TMEM132D: variants seen among roughly 807,000 people sequenced by gnomAD.
The protein encoded by TMEM132D is transmembrane protein 132D.
A neutral mutation model predicts 62.3 loss-of-function variants in TMEM132D; 21 were observed. The ratio of observed to expected loss-of-function variants is 0.34; its 90% CI spans 0.24 to 0.49. The LOEUF is 0.49. TMEM132D is among the 20% of genes least tolerant of loss of function. The pLI is 0.99. For synonymous variants in TMEM132D, 621 were observed against 575.6 expected, an observed-to-expected ratio of 1.08 and a Z score of -1.13; for missense variants, 1,346 against 1,402.8, an observed-to-expected ratio of 0.96 and a Z score of 0.65.
chr12:129,826,226 C>T (rs1191811658), intron 1 of TMEM132D, among the ~76,000 whole-genome samples: 1 of 152,200 alleles, frequency 6.6e-6, no homozygotes, highest in African/African-American at 2.4e-5. Flanking sequence ...AGGATACAGC[C>T]TCCATCGGCT....
In TMEM132D at chr12:129,072,364, C is replaced by CT. The variant is rs1419120681; in HGVS notation, c.*1510_*1511insA. 6.6e-6 allele frequency: 1 copy of CT among 152,606 alleles called. No individual in the cohort carries two copies. The highest frequency in any genetic ancestry group is 1.5e-5 in the Non-Finnish European group (1 of 68,134). The allele number at this position is 152,606 out of a possible 1,614,324, so 9.5% of individuals were successfully genotyped here. ...TGCAGGATCCTATCTGGCTGGCAATCACCCAACACACCATTCTCTACCTTG... is the reference window on the plus strand; with the variant it reads ...TGCAGGATCCTATCTGGCTGGCAATCTACCCAACACACCATTCTCTACCTTG... On this transcript the variant is annotated 3_prime_UTR_variant, in exon 9 of 9. Coordinates refer to ENST00000422113, the MANE Select transcript of TMEM132D (RefSeq NM_133448.3).
intron 4 of TMEM132D, among the ~76,000 whole-genome samples, chr12:129,322,726 T>A (rs1276060990): frequency 2.0e-5 from 3 of 152,198 alleles, no homozygotes; most frequent in Non-Finnish European, 4.4e-5. Context: ...ATTTAACTTT[T>A]CTGTTTTTCA....
intron 1 of TMEM132D, among the ~76,000 whole-genome samples, chr12:129,735,098 A>T (rs1869382548): frequency 1.3e-5 from 2 of 152,212 alleles, no homozygotes; most frequent in Admixed American, 6.5e-5. Context: ...TATTACAATT[A>T]AAAAAATACA....
chr12:129,220,709 G>A (rs1879324065), intron 4 of TMEM132D, among the ~76,000 whole-genome samples: 1 of 152,160 alleles, frequency 6.6e-6, no homozygotes, highest in African/African-American at 2.4e-5. Context: ...ATGGTACCTT[G>A]TAAGATTCTT....
intron 4 of TMEM132D, among the ~76,000 whole-genome samples, chr12:129,260,325 C>T (rs1421342438): frequency 6.6e-6 from 1 of 152,102 alleles, no homozygotes; most frequent in East Asian, 1.9e-4. Flanking sequence ...GCAACCACTT[C>T]CTTCGGCACC....
intron 3 of TMEM132D, among the ~76,000 whole-genome samples, chr12:129,478,763 GGGA>G (rs2137051857): frequency 1.3e-5 from 2 of 152,226 alleles, no homozygotes; most frequent in East Asian, 3.9e-4. Context: ...CTTCAAATCT[GGGA>G]GAGGGTTCTG....
chr12:129,422,219 ATATC>A (rs1242685954), intron 3 of TMEM132D, among the ~76,000 whole-genome samples: 1 of 152,228 alleles, frequency 6.6e-6, no homozygotes, highest in Non-Finnish European at 1.5e-5. Context: ...CAAAAAAAGA[ATATC>A]TATACAATTT....
intron 1 of TMEM132D, among the ~76,000 whole-genome samples, chr12:129,781,428 C>T (rs982210904): frequency 6.6e-6 from 1 of 152,064 alleles, no homozygotes; most frequent in African/African-American, 2.4e-5. Flanking sequence ...ATTTCAAAGA[C>T]GTTGTATATT....
At chr12:129,150,010 C>T (rs938666931) in intron 5 of TMEM132D, among the ~76,000 whole-genome samples, 4 of 152,178 alleles carry the variant, frequency 2.6e-5, no homozygotes, top group African/African-American at 9.7e-5. Context: ...CAATGACTGA[C>T]GTATTCATTG....
intron 4 of TMEM132D, among the ~76,000 whole-genome samples, chr12:129,317,680 C>T (rs1176529154): frequency 2.0e-5 from 3 of 152,168 alleles, no homozygotes; most frequent in Admixed American, 1.3e-4. Context: ...CGTATTGGAA[C>T]GTCTAGCTCT....
At chr12:129,864,630 A>G (rs1222799003) in intron 1 of TMEM132D, among the ~76,000 whole-genome samples, 1 of 152,224 alleles carries the variant, frequency 6.6e-6, no homozygotes, top group Non-Finnish European at 1.5e-5. Flanking sequence ...CAGCAGAGAC[A>G]AGAGATGGGG....
At chr12:129,658,156 T>C (rs1469401985) in intron 2 of TMEM132D, among the ~76,000 whole-genome samples, 4 of 152,116 alleles carry the variant, frequency 2.6e-5, no homozygotes, top group Admixed American at 1.3e-4. Flanking sequence ...GTAAAAACTA[T>C]GCGAAGACAA....
intron 5 of TMEM132D, among the ~76,000 whole-genome samples, chr12:129,113,631 G>A (rs1450926610): frequency 6.6e-6 from 1 of 152,158 alleles, no homozygotes; most frequent in Non-Finnish European, 1.5e-5. Context: ...CTAGGGTGGA[G>A]AGTTTGTAGC....
chr12:129,730,850 C>T (rs556106388), intron 1 of TMEM132D, among the ~76,000 whole-genome samples: 2 of 152,094 alleles, frequency 1.3e-5, no homozygotes, highest in South Asian at 4.2e-4. Flanking sequence ...AGTTCTTCAG[C>T]TTTTGGGCTC....
intron 3 of TMEM132D, among the ~76,000 whole-genome samples, chr12:129,510,688 T>A (rs1207537471): frequency 1.3e-5 from 2 of 152,172 alleles, no homozygotes; most frequent in Non-Finnish European, 2.9e-5. Flanking sequence ...ACATGGATAA[T>A]CAGTTTTCCA....
intron 2 of TMEM132D, among the ~76,000 whole-genome samples, chr12:129,670,576 C>T (rs1420872101): frequency 6.6e-6 from 1 of 152,114 alleles, no homozygotes; most frequent in African/African-American, 2.4e-5. Flanking sequence ...GGCTCACTGG[C>T]TTCCCCCTAC....
At chr12:129,876,864 G>A (rs1874429394) in intron 1 of TMEM132D, among the ~76,000 whole-genome samples, 1 of 152,194 alleles carries the variant, frequency 6.6e-6, no homozygotes, top group African/African-American at 2.4e-5. Flanking sequence ...CTGTAGCCAA[G>A]TCAATCTGTT....
intron 2 of TMEM132D, among the ~76,000 whole-genome samples, chr12:129,690,364 A>C (rs955808818): frequency 5.3e-5 from 8 of 152,182 alleles, no homozygotes; most frequent in African/African-American, 1.7e-4. Flanking sequence ...AAAAGCATTT[A>C]AATGTGAACA....
chr12:129,538,548 A>C (rs535454289), intron 2 of TMEM132D, among the ~76,000 whole-genome samples: 18 of 152,320 alleles, frequency 1.2e-4, no homozygotes, highest in South Asian at 6.2e-4. Context: ...AACCCTATAC[A>C]TACTATGTTT....
Sources: allele counts gnomAD v4.1 joint callset (sites outside exome capture counted in the v4.1 genomes callset), GRCh38; gene constraint gnomAD v4.1.1; transcripts MANE v1.5; gene names NCBI Gene and HGNC (gene_info 2026-07-23, HGNC 2026-07-21).